Variants in ACOXL observed in about 807,000 individuals in gnomAD.
ACOXL encodes the protein acyl-CoA oxidase like, also known as acyl-coenzyme A oxidase-like protein.
A neutral mutation model predicts 71.9 loss-of-function variants in ACOXL; 70 were observed. The observed-to-expected ratio is 0.97, with a 90% CI of 0.80 to 1.19. The LOEUF (loss-of-function observed/expected upper bound fraction) is 1.19, where lower values mean the gene tolerates loss of function less well. Ranked by LOEUF, ACOXL falls within the 50% of genes most tolerant of loss-of-function variation. The pLI is 0.00. For missense variants in ACOXL, 703 were observed against 736.3 expected, an observed-to-expected ratio of 0.95 and a Z score of 0.52; for synonymous variants, 253 against 281.6, an observed-to-expected ratio of 0.90 and a Z score of 1.02.
chr2:111,103,592 G>A (rs2069327102), intron 17 of ACOXL, among the ~76,000 whole-genome samples: 1 of 152,158 alleles, frequency 6.6e-6, no homozygotes, highest in African/African-American at 2.4e-5. Context: ...GGATGCAGGT[G>A]TCCTATTAAT....
In ACOXL at chr2:110,943,175, A is replaced by C. The variant is rs1286104728; in HGVS notation, c.1059+9533A>C. On this transcript the variant is annotated intron_variant, in intron 12 of 17. Coordinates refer to ENST00000439055, the MANE Select transcript of ACOXL (RefSeq NM_001142807.4). The stretch of plus-strand genomic sequence containing the variant: ...GAGAAAGAAAAAGAAAAAGGGAGGG[A>C]GGGAAAGAAGGAAGGAAGGAAAGAG... Among the ~76,000 whole-genome samples, 4 of 139,348 alleles carry C rather than the reference A, an allele frequency of 2.9e-5. No homozygotes were observed. The Admixed American group carries it at 2.9e-4, about 10-fold the overall frequency. The allele number at this position is 139,348 out of a possible 152,430, so 91.4% of individuals were successfully genotyped here.
intron 10 of ACOXL, among the ~76,000 whole-genome samples, chr2:110,884,911 C>T (rs1180277929): frequency 6.6e-6 from 1 of 152,038 alleles, no homozygotes; most frequent in Non-Finnish European, 1.5e-5. Context: ...ATTGAAACTT[C>T]AGTTTAAAAA....
At chr2:110,900,086 T>C (rs867845646) in intron 10 of ACOXL, among the ~76,000 whole-genome samples, 142 of 143,288 alleles carry the variant, frequency 9.9e-4, no homozygotes, top group African/African-American at 2.4e-3. Flanking sequence ...CACACACACA[T>C]ACACACACAC....
At chr2:110,946,860 C>G (rs2061129179) in intron 12 of ACOXL, among the ~76,000 whole-genome samples, 1 of 152,268 alleles carries the variant, frequency 6.6e-6, no homozygotes, top group East Asian at 1.9e-4. Context: ...CTGTTTCCCC[C>G]TGTTGTCCAG....
At chr2:110,840,087 T>C (rs940360096) in intron 9 of ACOXL, among the ~76,000 whole-genome samples, 3 of 152,102 alleles carry the variant, frequency 2.0e-5, no homozygotes, top group African/African-American at 7.2e-5. Flanking sequence ...CCTCCCCAGG[T>C]TCAATCGATT....
At chr2:111,023,916 A>G (rs2064894610) in intron 14 of ACOXL, among the ~76,000 whole-genome samples, 1 of 152,140 alleles carries the variant, frequency 6.6e-6, no homozygotes, top group Non-Finnish European at 1.5e-5. Context: ...TGCAAGGACA[A>G]TCTGAGCACT....
intron 5 of ACOXL, among the ~76,000 whole-genome samples, chr2:110,794,911 C>T (rs987093267): frequency 6.6e-6 from 1 of 152,134 alleles, no homozygotes; most frequent in Non-Finnish European, 1.5e-5. Flanking sequence ...TTGTAACCCT[C>T]ATGCCCATCT....
chr2:110,736,469 T>C (rs1009392787), intron 1 of ACOXL, among the ~76,000 whole-genome samples: 23 of 152,192 alleles, frequency 1.5e-4, no homozygotes, highest in African/African-American at 5.5e-4. Context: ...TATAAGTGGA[T>C]TCATTTAGAA....
intron 14 of ACOXL, among the ~76,000 whole-genome samples, chr2:111,025,485 G>A (rs1045542601): frequency 8.5e-5 from 13 of 152,160 alleles, no homozygotes; most frequent in African/African-American, 1.2e-4. Context: ...ACCAATACTC[G>A]GTTTTGCAAG....
intron 16 of ACOXL, among the ~76,000 whole-genome samples, chr2:111,068,634 GATGGGCT>G (rs2067188645): frequency 6.6e-6 from 1 of 152,220 alleles, no homozygotes; most frequent in African/African-American, 2.4e-5. Context: ...GTTATTACTG[GATGGGCT>G]ATGCTCAACA....
At chr2:111,074,820 C>T (rs1420879099) in intron 16 of ACOXL, among the ~76,000 whole-genome samples, 1 of 152,134 alleles carries the variant, frequency 6.6e-6, no homozygotes, top group Admixed American at 6.5e-5. Flanking sequence ...GTCTCAAACT[C>T]CTGGGTTCAA....
chr2:111,106,296 T>C (rs2069536133), intron 17 of ACOXL, among the ~76,000 whole-genome samples: 1 of 152,242 alleles, frequency 6.6e-6, no homozygotes. Flanking sequence ...TCCATTTTGC[T>C]GTCAAAACCA....
At position 110,734,081 on chromosome 2, in the gene ACOXL, T is replaced by C. The variant is rs1226254356; in HGVS notation, c.-23+1307T>C. ...GACAGTAAAGGGATTTGTAAAAATA[T>C]AGAACGATGCTACTCTTCTTGCTAA... is the stretch of plus-strand genomic sequence containing the variant. On this transcript the variant is annotated intron_variant, in intron 1 of 17. Transcript: ENST00000439055. Among the ~76,000 whole-genome samples, 3 of 152,060 alleles carry C rather than the reference T, an allele frequency of 2.0e-5. No homozygotes were observed. In the East Asian group the frequency reaches 5.8e-4, roughly 29 times the overall value.
intron 2 of ACOXL, among the ~76,000 whole-genome samples, chr2:110,784,504 TAAG>T (rs1276306067): frequency 1.3e-5 from 2 of 152,146 alleles, no homozygotes; most frequent in Non-Finnish European, 2.9e-5. Context: ...GACTATTGTA[TAAG>T]AAGAGTCTTT....
At chr2:110,999,442 C>T (rs2063528461) in intron 14 of ACOXL, among the ~76,000 whole-genome samples, 1 of 152,064 alleles carries the variant, frequency 6.6e-6, no homozygotes, top group Non-Finnish European at 1.5e-5. Flanking sequence ...TTAATCTTAT[C>T]AAAAGCATTA....
intron 10 of ACOXL, among the ~76,000 whole-genome samples, chr2:110,874,559 A>G (rs980946205): frequency 9.2e-5 from 14 of 152,156 alleles, no homozygotes; most frequent in African/African-American, 3.4e-4. Flanking sequence ...ATTAGAAGGC[A>G]AGAGAGGACG....
At chr2:110,903,660 T>C (rs1407102669) in intron 10 of ACOXL, among the ~76,000 whole-genome samples, 1 of 152,224 alleles carries the variant, frequency 6.6e-6, no homozygotes, top group African/African-American at 2.4e-5. Context: ...GGGAAGAATA[T>C]TGTGTCCACA....
rs926449168 is a variant in ACOXL at position 110,750,390 on chromosome 2, G to A, written c.-23+17616G>A. ...TCCAGCTTTGGCCATTGGGAGTTTC[G>A]GGCTCATCTTATATTTTCCCTGCCC... On this transcript the variant is annotated intron_variant, in intron 1 of 17. Transcript: ENST00000439055. Among the ~76,000 whole-genome samples, 5 of 151,758 alleles carry A rather than the reference G, an allele frequency of 3.3e-5. No homozygotes were observed. The East Asian group carries it at 5.8e-4, about 18-fold the overall frequency.
intron 14 of ACOXL, among the ~76,000 whole-genome samples, chr2:110,996,915 G>A (rs539852368): frequency 1.3e-5 from 2 of 152,218 alleles, no homozygotes; most frequent in Non-Finnish European, 1.5e-5. Flanking sequence ...CACACTGGAT[G>A]AGAACCTGCA....
Sources: allele counts gnomAD v4.1 joint callset (sites outside exome capture counted in the v4.1 genomes callset), GRCh38; gene constraint gnomAD v4.1.1; transcripts MANE v1.5; gene names NCBI Gene and HGNC (gene_info 2026-07-23, HGNC 2026-07-21).